The following EBF1 variants were observed in gnomAD, a reference collection of about 807,000 sequenced individuals.
EBF1 encodes EBF transcription factor 1, also known as transcription factor COE1.
Under a neutral mutation model 68.4 loss-of-function variants are expected in EBF1, and 10 were observed. The ratio of observed to expected loss-of-function variants is 0.15; its 90% CI spans 0.09 to 0.25. The LOEUF (loss-of-function observed/expected upper bound fraction) is 0.25. EBF1 is among the 10% of genes least tolerant of loss of function. The pLI, the probability that EBF1 is intolerant of heterozygous loss-of-function variation, is 1.00. For synonymous variants in EBF1, 298 were observed against 299.8 expected, an observed-to-expected ratio of 0.99 and a Z score of 0.06; for missense variants, 509 against 794.4, an observed-to-expected ratio of 0.64 and a Z score of 4.32.
At chr5:158,886,598 A>G (rs985825886) in intron 6 of EBF1, among the ~76,000 whole-genome samples, 2 of 152,250 alleles carry the variant, frequency 1.3e-5, no homozygotes, top group African/African-American at 4.8e-5. Flanking sequence ...TTCTAGCCAG[A>G]TATTTACATA....
chr5:158,727,479 A>G (rs185885502), intron 11 of EBF1, among the ~76,000 whole-genome samples: 1 of 152,174 alleles, frequency 6.6e-6, no homozygotes, highest in Non-Finnish European at 1.5e-5. Context: ...AGAAAAGTCA[A>G]CCTTGACCTC....
At chr5:158,969,275 C>T (rs1754818352) in intron 6 of EBF1, among the ~76,000 whole-genome samples, 2 of 152,298 alleles carry the variant, frequency 1.3e-5, no homozygotes, top group South Asian at 4.1e-4. Context: ...GTGCTCCAGC[C>T]TTGGGCAACA....
intron 6 of EBF1, among the ~76,000 whole-genome samples, chr5:158,938,254 G>A (rs188504416): frequency 1.3e-5 from 2 of 152,164 alleles, no homozygotes; most frequent in Non-Finnish European, 2.9e-5. Context: ...TTTGCTCCCA[G>A]GGGAGAGTCC....
intron 15 of EBF1, among the ~76,000 whole-genome samples, chr5:158,706,840 C>A (rs1244646086): frequency 6.6e-6 from 1 of 152,190 alleles, no homozygotes; most frequent in African/African-American, 2.4e-5. Flanking sequence ...ACAATGAAGA[C>A]CATAATGGCC....
chr5:159,098,378 G>A (rs1234436043), intron 1 of EBF1, among the ~76,000 whole-genome samples: 1 of 152,170 alleles, frequency 6.6e-6, no homozygotes, highest in Non-Finnish European at 1.5e-5. Flanking sequence ...GACAGGGGCT[G>A]GAGAAGACTT....
chr5:158,976,204 A>G (rs1429433197), intron 6 of EBF1, among the ~76,000 whole-genome samples: 1 of 152,172 alleles, frequency 6.6e-6, no homozygotes, highest in South Asian at 2.1e-4. Flanking sequence ...CTCTCCTGTA[A>G]TGTTACAAAA....
intron 6 of EBF1, among the ~76,000 whole-genome samples, chr5:158,951,932 C>G (rs1055066041): frequency 1.3e-5 from 2 of 152,156 alleles, no homozygotes; most frequent in African/African-American, 2.4e-5. Flanking sequence ...AGTCATCCCA[C>G]CCACTAAAAG....
At chr5:159,049,435 T>C (rs1024905819) in intron 6 of EBF1, among the ~76,000 whole-genome samples, 4 of 152,050 alleles carry the variant, frequency 2.6e-5, no homozygotes, top group Admixed American at 6.6e-5. Context: ...GGAAAAAAAA[T>C]CCACTCAAAA....
Position 158,911,987 on chromosome 5 carries a change from C to T in EBF1, c.555-71877G>A, listed in dbSNP as rs1806084163. Reference sequence around the variant, plus strand: ...GTGCTTTCACAGACAAGAAACTGCTCTCTCTTCCATTTCTCCAAGTTCATT... The same window carrying T: ...GTGCTTTCACAGACAAGAAACTGCTTTCTCTTCCATTTCTCCAAGTTCATT... On this transcript the variant is annotated intron_variant, in intron 6 of 15. Transcript: ENST00000313708. 2.7e-5 allele frequency among the ~76,000 whole-genome samples: 4 copies of T among 150,336 alleles called. No homozygotes were observed. In the South Asian group the frequency reaches 6.2e-4, roughly 23 times the overall value.
intron 6 of EBF1, among the ~76,000 whole-genome samples, chr5:159,059,873 C>T (rs1224414132): frequency 2.0e-5 from 3 of 152,154 alleles, no homozygotes; most frequent in Non-Finnish European, 1.5e-5. Flanking sequence ...TAAAACATCC[C>T]TCTCCACAAA....
chr5:159,000,013 G>C (rs539881682), intron 6 of EBF1, among the ~76,000 whole-genome samples: 91 of 152,254 alleles, frequency 6.0e-4, no homozygotes, highest in African/African-American at 2.1e-3. Context: ...TGGGCCATGG[G>C]GTGAAAACTA....
At chr5:158,734,397 T>C (rs1764740399) in intron 10 of EBF1, among the ~76,000 whole-genome samples, 1 of 152,200 alleles carries the variant, frequency 6.6e-6, no homozygotes, top group Admixed American at 6.5e-5. Flanking sequence ...TACCCTTTAA[T>C]AACCTTGCAT....
intron 6 of EBF1, among the ~76,000 whole-genome samples, chr5:158,884,601 C>T (rs1799644484): frequency 6.6e-6 from 1 of 152,092 alleles, no homozygotes; most frequent in Non-Finnish European, 1.5e-5. Flanking sequence ...AGGTGGAACA[C>T]AGGGCACAAC....
At chr5:159,063,599 A>T (rs931334080) in intron 6 of EBF1, among the ~76,000 whole-genome samples, 21 of 152,220 alleles carry the variant, frequency 1.4e-4, no homozygotes, top group African/African-American at 4.6e-4. Flanking sequence ...TTTCACTGTT[A>T]TACCCCCAAC....
chr5:159,048,219 C>T (rs1038413252), intron 6 of EBF1, among the ~76,000 whole-genome samples: 5 of 152,198 alleles, frequency 3.3e-5, no homozygotes, highest in African/African-American at 1.2e-4. Context: ...ATGCCTCCTA[C>T]ACCCAAGTAC....
At position 158,926,087 on chromosome 5, in the gene EBF1, C is replaced by A. The variant is rs141050992; in HGVS notation, c.555-85977G>T. Among the ~76,000 whole-genome samples, 45 of 152,300 alleles carry A rather than the reference C, an allele frequency of 3.0e-4. 1 individual carries two copies. Among genetic ancestry groups the A allele is most frequent in the African/African-American group, 9.9e-4 (41 of 41,564 alleles). ...GCCTGCTTAATACATTTTATTTATACTTCCACCATTGAAATGTGCCTTTAA... is the reference window on the plus strand; with the variant it reads ...GCCTGCTTAATACATTTTATTTATAATTCCACCATTGAAATGTGCCTTTAA... On this transcript the variant is annotated intron_variant, in intron 6 of 15. Coordinates refer to ENST00000313708, the MANE Select transcript of EBF1 (RefSeq NM_024007.5).
intron 14 of EBF1, among the ~76,000 whole-genome samples, chr5:158,710,072 A>G (rs904703543): frequency 7.9e-5 from 12 of 152,186 alleles, no homozygotes; most frequent in Admixed American, 3.3e-4. Flanking sequence ...TTTTTATTCC[A>G]TTGGAATTTT....
chr5:159,099,471 C>A lies in EBF1; in HGVS notation c.8G>T (p.Gly3Val). Reference sequence around the variant, plus strand: ...ACTCCGTTGGATGCTTTCCTGAATCCCAAACATGAAAACAACCTTTTCTTG... The same window carrying A: ...ACTCCGTTGGATGCTTTCCTGAATCACAAACATGAAAACAACCTTTTCTTG... Reference protein sequence around the residue: MFGIQESIQRSGS... With the variant: MFVIQESIQRSGS... The change falls in exon 1 of 16, where the codon GGG becomes GTG. Residue 3 changes from glycine to valine, a missense_variant. By Grantham distance (109) the Gly-to-Val change is moderately radical. This residue lies in a region of EBF1 where 74 missense variants were observed against 79.4 expected (regional missense o/e 0.93). Transcript: ENST00000313708. The A allele has an allele frequency of 6.3e-7, 1 of 1,581,074 alleles. No individual in the cohort carries two copies. The highest frequency in any genetic ancestry group is 8.6e-7 in the Non-Finnish European group (1 of 1,164,948).
At chr5:158,824,107 T>C (rs916242509) in intron 7 of EBF1, among the ~76,000 whole-genome samples, 7 of 152,130 alleles carry the variant, frequency 4.6e-5, no homozygotes, top group Non-Finnish European at 1.0e-4. Context: ...TTATATTAAA[T>C]GGGGAAAGGG....
Sources: allele counts gnomAD v4.1 joint callset (sites outside exome capture counted in the v4.1 genomes callset), GRCh38; gene constraint gnomAD v4.1.1; regional missense constraint gnomAD v4.1.1; transcripts MANE v1.5; gene names NCBI Gene and HGNC (gene_info 2026-07-23, HGNC 2026-07-21).